The following KIAA1217 variants were observed in gnomAD, a reference collection of about 807,000 sequenced individuals.
KIAA1217 encodes sickle tail protein homolog.
KIAA1217 carries 88 observed loss-of-function variants against 163.9 expected under a neutral mutation model. The ratio of observed to expected loss-of-function variants is 0.54; its 90% CI spans 0.45 to 0.64. The LOEUF (loss-of-function observed/expected upper bound fraction) is 0.64. Ranked by LOEUF, KIAA1217 falls within the 30% of genes least tolerant of loss-of-function variation. The probability of loss-of-function intolerance (pLI) is 0.00; values close to 1 mark genes in which losing one functional copy is unlikely to be tolerated. For synonymous variants in KIAA1217, 903 were observed against 923.1 expected, an observed-to-expected ratio of 0.98 and a Z score of 0.39; for missense variants, 2,372 against 2,475.0, an observed-to-expected ratio of 0.96 and a Z score of 0.88.
chr10:24,261,923 C>G (rs776753921), intron 2 of KIAA1217, among the ~76,000 whole-genome samples: 3 of 152,178 alleles, frequency 2.0e-5, no homozygotes, highest in Admixed American at 6.5e-5. Context: ...CTTTCAGAAT[C>G]AGTATTTTAC....
chr10:23,862,003 G>T (rs1839975659), intron 1 of KIAA1217, among the ~76,000 whole-genome samples: 1 of 152,176 alleles, frequency 6.6e-6, no homozygotes, highest in African/African-American at 2.4e-5. Flanking sequence ...AGGAAGCTGT[G>T]ACCAGAGTCA....
intron 1 of KIAA1217, among the ~76,000 whole-genome samples, chr10:23,935,837 C>G (rs1843503066): frequency 6.6e-6 from 1 of 152,086 alleles, no homozygotes; most frequent in African/African-American, 2.4e-5. Context: ...TTTAAAATCA[C>G]TTTTCTAGAA....
At chr10:24,284,937 G>A (rs995855310) in intron 2 of KIAA1217, among the ~76,000 whole-genome samples, 1 of 152,144 alleles carries the variant, frequency 6.6e-6, no homozygotes, top group Non-Finnish European at 1.5e-5. Flanking sequence ...CATTCTGACT[G>A]GTGTGAGATG....
At chr10:23,984,472 A>G (rs1479407124) in intron 1 of KIAA1217, among the ~76,000 whole-genome samples, 1 of 152,198 alleles carries the variant, frequency 6.6e-6, no homozygotes, top group Admixed American at 6.5e-5. Context: ...AAGTATGTTC[A>G]TTGCAGCACT....
At position 24,305,765 on chromosome 10, in the gene KIAA1217, A is replaced by T. The variant is rs150088703; in HGVS notation, c.355-75104A>T. Among the ~76,000 whole-genome samples, 432 of 152,342 alleles carry T rather than the reference A, an allele frequency of 2.8e-3. 2 individuals carry two copies. Among genetic ancestry groups the T allele is most frequent in the African/African-American group, 1.0e-2 (414 of 41,574 alleles). Reference sequence around the variant, plus strand: ...GATTAGGTTGAGGTTGAATGGGACCATAGTTCTGTCAGGACGTGTCATCTT... The same window carrying T: ...GATTAGGTTGAGGTTGAATGGGACCTTAGTTCTGTCAGGACGTGTCATCTT... On this transcript the variant is annotated intron_variant, in intron 2 of 20. Coordinates refer to ENST00000376454, the MANE Select transcript of KIAA1217 (RefSeq NM_019590.5).
At chr10:23,790,368 T>C (rs1467864775) in intron 1 of KIAA1217, among the ~76,000 whole-genome samples, 1 of 103,318 alleles carries the variant, frequency 9.7e-6, no homozygotes, top group Non-Finnish European at 1.9e-5. Flanking sequence ...CATATATACA[T>C]ATACATATGT....
upstream of KIAA1217, among the ~76,000 whole-genome samples, chr10:24,208,385 G>A (rs1423311459): frequency 6.6e-6 from 1 of 151,294 alleles, no homozygotes; most frequent in African/African-American, 2.4e-5. Flanking sequence ...GTGTGTGTGT[G>A]TGTGTGTGTG....
chr10:23,906,759 A>T (rs1420934848), intron 1 of KIAA1217, among the ~76,000 whole-genome samples: 1 of 151,708 alleles, frequency 6.6e-6, no homozygotes, highest in African/African-American at 2.4e-5. Context: ...TCTCATAGGT[A>T]TGTGCACATA....
At chr10:23,738,069 G>A (rs11013686) in intron 1 of KIAA1217, among the ~76,000 whole-genome samples, 21 of 151,784 alleles carry the variant, frequency 1.4e-4, no homozygotes, top group South Asian at 1.0e-3. Flanking sequence ...CTCCCTCCAC[G>A]CATAATACTC....
At chr10:23,894,161 A>C (rs1404521273) in intron 1 of KIAA1217, among the ~76,000 whole-genome samples, 15 of 149,384 alleles carry the variant, frequency 1.0e-4, no homozygotes, top group Admixed American at 8.6e-4. Flanking sequence ...AGGAGAAGGA[A>C]ATAAAGGGTA....
intron 1 of KIAA1217, among the ~76,000 whole-genome samples, chr10:23,821,919 AG>A (rs1278834675): frequency 2.0e-5 from 3 of 152,156 alleles, no homozygotes; most frequent in African/African-American, 4.8e-5. Flanking sequence ...AAGCCACCAA[AG>A]GAGGTACTTC....
intron 2 of KIAA1217, among the ~76,000 whole-genome samples, chr10:24,053,215 T>G (rs1035069929): frequency 1.3e-5 from 2 of 152,136 alleles, no homozygotes; most frequent in Admixed American, 6.6e-5. Context: ...AAGTAAATAA[T>G]CCCTTCTTAT....
At chr10:24,385,099 G>C (rs980790188) in intron 3 of KIAA1217, among the ~76,000 whole-genome samples, 7 of 152,302 alleles carry the variant, frequency 4.6e-5, no homozygotes, top group African/African-American at 1.7e-4. Flanking sequence ...CCCCAGCTCA[G>C]GCAGCACAGA....
chr10:24,309,510 T>C (rs897752849), intron 2 of KIAA1217, among the ~76,000 whole-genome samples: 1 of 152,164 alleles, frequency 6.6e-6, no homozygotes, highest in Non-Finnish European at 1.5e-5. Flanking sequence ...TACTCAGTGT[T>C]CCCCTATTGT....
chr10:24,357,148 G>C (rs1436444027), intron 2 of KIAA1217, among the ~76,000 whole-genome samples: 1 of 152,072 alleles, frequency 6.6e-6, no homozygotes, highest in Non-Finnish European at 1.5e-5. Context: ...AAACTTTCAG[G>C]GTAGACCTTG....
At chr10:24,030,942 G>T (rs980099409) in intron 2 of KIAA1217, among the ~76,000 whole-genome samples, 3 of 152,062 alleles carry the variant, frequency 2.0e-5, no homozygotes, top group Non-Finnish European at 4.4e-5. Context: ...AGACATTAAG[G>T]TTGTTTCTAC....
At chr10:24,017,541 A>G (rs947210600) in intron 2 of KIAA1217, among the ~76,000 whole-genome samples, 3 of 152,142 alleles carry the variant, frequency 2.0e-5, no homozygotes, top group East Asian at 1.9e-4. Context: ...TGAAAAAGTA[A>G]CATACTGGCT....
chr10:24,242,510 G>A (rs941790155), intron 2 of KIAA1217, among the ~76,000 whole-genome samples: 1 of 151,992 alleles, frequency 6.6e-6, no homozygotes, highest in Non-Finnish European at 1.5e-5. Context: ...CGGACACCTA[G>A]GTTGATTCCA....
chr10:23,762,213 C>A (rs1834291821), intron 1 of KIAA1217, among the ~76,000 whole-genome samples: 1 of 152,080 alleles, frequency 6.6e-6, no homozygotes. Context: ...GATACCATTC[C>A]TTCTGAAATG....
Sources: allele counts gnomAD v4.1 joint callset (sites outside exome capture counted in the v4.1 genomes callset), GRCh38; gene constraint gnomAD v4.1.1; transcripts MANE v1.5; gene names NCBI Gene and HGNC (gene_info 2026-07-23, HGNC 2026-07-21).